CNTNAP4: variants seen among roughly 807,000 people sequenced by gnomAD.
CNTNAP4 encodes the protein contactin-associated protein-like 4.
A neutral mutation model predicts 148.4 loss-of-function variants in CNTNAP4; 98 were observed. The observed-to-expected ratio is 0.66, with a 90% CI of 0.56 to 0.78. CNTNAP4 has a LOEUF of 0.78. Ranked by LOEUF, CNTNAP4 falls within the 30% of genes least tolerant of loss-of-function variation. The pLI, the probability that CNTNAP4 is intolerant of heterozygous loss-of-function variation, is 0.00. For synonymous variants in CNTNAP4, 730 were observed against 565.1 expected (o/e 1.29, Z -4.14); for missense variants, 1,935 against 1,565.6 (o/e 1.24, Z -3.98).
chr16:76,450,152 T>A (rs7185375), intron 7 of CNTNAP4, among the ~76,000 whole-genome samples: 2,349 of 149,410 alleles, frequency 0.016, 65 homozygotes, highest in African/African-American at 0.056. Flanking sequence ...TAATCTGTAT[T>A]TTTTTTTTCT....
intron 15 of CNTNAP4, among the ~76,000 whole-genome samples, chr16:76,507,632 A>G (rs1197137882): frequency 2.0e-5 from 2 of 98,020 alleles, no homozygotes; most frequent in African/African-American, 5.1e-5. Flanking sequence ...TCACAGCTCT[A>G]GGTCAAAGGT....
At chr16:76,319,252 C>G (rs955284084) in intron 2 of CNTNAP4, among the ~76,000 whole-genome samples, 3 of 152,018 alleles carry the variant, frequency 2.0e-5, no homozygotes, top group African/African-American at 7.3e-5. Context: ...GTTAGCCAGG[C>G]ATGGTGGTGT....
chr16:76,472,207 T>C (rs2081401621), intron 10 of CNTNAP4, among the ~76,000 whole-genome samples: 1 of 151,256 alleles, frequency 6.6e-6, no homozygotes, highest in African/African-American at 2.4e-5. Flanking sequence ...TTTAGAACAT[T>C]TGGTGAGAAT....
intron 3 of CNTNAP4, among the ~76,000 whole-genome samples, chr16:76,413,650 A>G (rs2078878927): frequency 6.6e-6 from 1 of 151,152 alleles, no homozygotes; most frequent in African/African-American, 2.4e-5. Flanking sequence ...ACTTGTAACT[A>G]TCTTGTAATT....
At chr16:76,289,667 G>C (rs1005406920) in intron 1 of CNTNAP4, among the ~76,000 whole-genome samples, 9 of 151,860 alleles carry the variant, frequency 5.9e-5, no homozygotes, top group Non-Finnish European at 8.8e-5. Context: ...CTGCTTCCCA[G>C]GTTCAAGCAA....
intron 3 of CNTNAP4, among the ~76,000 whole-genome samples, chr16:76,363,150 A>C (rs1173595473): frequency 6.6e-6 from 1 of 151,466 alleles, no homozygotes; most frequent in African/African-American, 2.4e-5. Context: ...CAATGAAATT[A>C]AACCCTTATC....
rs1380313155 is a variant in CNTNAP4, at chr16:76,506,246, C to T, written c.2365+7552C>T. On this transcript the variant is annotated intron_variant, in intron 15 of 23. Coordinates refer to ENST00000611870, the MANE Select transcript of CNTNAP4 (RefSeq NM_033401.5). ...GTCTTTTAGACCAACAGTTCCTCCACTTTAGCATGTATAAAAATTACTTGG... is the reference window on the plus strand; with the variant it reads ...GTCTTTTAGACCAACAGTTCCTCCATTTTAGCATGTATAAAAATTACTTGG... Among the ~76,000 whole-genome samples, 8 of 95,598 alleles carry T rather than the reference C, an allele frequency of 8.4e-5. 3 individuals carry two copies. The highest frequency in any genetic ancestry group is 7.1e-4 in the Admixed American group (7 of 9,820). 62.7% of individuals were successfully genotyped at this position (95,598 alleles called of 152,430 possible).
chr16:76,483,594 GT>G (rs1371817163), intron 12 of CNTNAP4, among the ~76,000 whole-genome samples: 2 of 152,124 alleles, frequency 1.3e-5, no homozygotes, highest in Non-Finnish European at 2.9e-5. Context: ...GCAACCTTCT[GT>G]GCTTAGGAGC....
intron 23 of CNTNAP4, chr16:76,557,838 T>A (rs1192323752): frequency 1.3e-5 from 2 of 152,218 alleles, no homozygotes; most frequent in African/African-American, 4.8e-5. Context: ...CAGGGACCAC[T>A]ACACGTCTAC....
intron 21 of CNTNAP4, among the ~76,000 whole-genome samples, chr16:76,550,185 C>T (rs1204413051): frequency 6.6e-6 from 1 of 152,098 alleles, no homozygotes; most frequent in Admixed American, 6.6e-5. Context: ...TTTTCTGTTC[C>T]AGTTACAACC....
chr16:76,308,004 A>G (rs1007910178), intron 1 of CNTNAP4, among the ~76,000 whole-genome samples: 9 of 152,230 alleles, frequency 5.9e-5, no homozygotes, highest in Middle Eastern at 3.2e-3. Flanking sequence ...GAGAAAATGC[A>G]TAGAAATTTA....
chr16:76,300,852 T>C (rs1227219705), intron 1 of CNTNAP4, among the ~76,000 whole-genome samples: 1 of 152,176 alleles, frequency 6.6e-6, no homozygotes, highest in Non-Finnish European at 1.5e-5. Context: ...TTAGACACTA[T>C]GACATATGTT....
intron 2 of CNTNAP4, among the ~76,000 whole-genome samples, chr16:76,344,278 T>C (rs1183239530): frequency 1.3e-5 from 2 of 152,180 alleles, no homozygotes; most frequent in African/African-American, 4.8e-5. Flanking sequence ...GTGAAGTGAT[T>C]CTGCCCCAGA....
At chr16:76,354,249 T>G (rs148755548) in intron 2 of CNTNAP4, among the ~76,000 whole-genome samples, 9 of 152,352 alleles carry the variant, frequency 5.9e-5, no homozygotes, top group African/African-American at 2.2e-4. Flanking sequence ...TGTTAAATAA[T>G]TCTTAAAATA....
intron 3 of CNTNAP4, among the ~76,000 whole-genome samples, chr16:76,378,292 A>T (rs1020941236): frequency 2.0e-5 from 3 of 152,182 alleles, no homozygotes; most frequent in African/African-American, 7.2e-5. Context: ...ATTAAAAAAT[A>T]AAAAAATATA....
At chr16:76,386,008 A>C (rs775913754) in intron 3 of CNTNAP4, among the ~76,000 whole-genome samples, 5 of 152,228 alleles carry the variant, frequency 3.3e-5, no homozygotes, top group Non-Finnish European at 7.3e-5. Flanking sequence ...TGTTTACAGT[A>C]TTGTAGCTGA....
chr16:76,318,804 T>C (rs1962102029), intron 2 of CNTNAP4, among the ~76,000 whole-genome samples: 1 of 149,928 alleles, frequency 6.7e-6, no homozygotes, highest in South Asian at 2.1e-4. Context: ...TATGAGAAAT[T>C]ATTCTCATAA....
chr16:76,325,060 C>A (rs1289429918), intron 2 of CNTNAP4, among the ~76,000 whole-genome samples: 1 of 151,994 alleles, frequency 6.6e-6, no homozygotes, highest in Non-Finnish European at 1.5e-5. Context: ...AAGATCCCCC[C>A]AAAAAGGAAA....
intron 3 of CNTNAP4, among the ~76,000 whole-genome samples, chr16:76,366,976 G>A (rs2014216957): frequency 6.6e-6 from 1 of 151,926 alleles, no homozygotes; most frequent in Non-Finnish European, 1.5e-5. Context: ...ATAGAAAAAT[G>A]TATATGAGAA....
Sources: gnomAD v4.1 joint callset for allele counts (sites outside exome capture counted in the v4.1 genomes callset) on GRCh38, gnomAD v4.1.1 for gene constraint, MANE v1.5 for transcripts, NCBI Gene and HGNC (gene_info 2026-07-23, HGNC 2026-07-21) for gene names.